The following STARD13 variants were observed in gnomAD, a reference collection of about 807,000 sequenced individuals.
STARD13 encodes StAR related lipid transfer domain containing 13, also known as stAR-related lipid transfer protein 13.
Under a neutral mutation model 106.4 loss-of-function variants are expected in STARD13, and 62 were observed. The ratio of observed to expected loss-of-function variants is 0.58; its 90% CI spans 0.48 to 0.72. The LOEUF is 0.72. STARD13 is among the 30% of genes least tolerant of loss of function. The probability of loss-of-function intolerance (pLI) is 0.00; values close to 1 mark genes in which losing one functional copy is unlikely to be tolerated. For missense variants in STARD13, 1,387 were observed against 1,424.0 expected, an observed-to-expected ratio of 0.97 and a Z score of 0.42; for synonymous variants, 565 against 553.0, an observed-to-expected ratio of 1.02 and a Z score of -0.31.
the STARD13 span, among the ~76,000 whole-genome samples, chr13:33,604,242 CAGAA>C: frequency 6.6e-6 from 1 of 152,012 alleles, no homozygotes; most frequent in East Asian, 1.9e-4. Flanking sequence ...ACAGAAATGT[CAGAA>C]AGAAATGATA....
chr13:33,499,532 T>TTCTTCC, the STARD13 span, among the ~76,000 whole-genome samples: 3 of 40,352 alleles, frequency 7.4e-5, no homozygotes, highest in African/African-American at 3.0e-4. Flanking sequence ...CTTCTTCTTC[T>TTCTTCC]TCTTCTTCTT....
At chr13:33,229,428 C>T (rs373739769) in intron 1 of STARD13, among the ~76,000 whole-genome samples, 1 of 152,198 alleles carries the variant, frequency 6.6e-6, no homozygotes, top group African/African-American at 2.4e-5. Context: ...CGCAAGACTG[C>T]GTGAGCACTG....
chr13:33,291,761 T>C (rs1293616350), intron 1 of STARD13, among the ~76,000 whole-genome samples: 1 of 152,220 alleles, frequency 6.6e-6, no homozygotes, highest in Non-Finnish European at 1.5e-5. Context: ...TCTCGTGCTA[T>C]TTGTTATATA....
chr13:33,320,821 T>A (rs1893531763), intron 1 of STARD13, among the ~76,000 whole-genome samples: 1 of 152,046 alleles, frequency 6.6e-6, no homozygotes, highest in African/African-American at 2.4e-5. Context: ...ACAAACAAAA[T>A]CAACTTCCGA....
chr13:33,122,168 G>T (rs1395293325), intron 7 of STARD13, among the ~76,000 whole-genome samples: 1 of 152,144 alleles, frequency 6.6e-6, no homozygotes, highest in Non-Finnish European at 1.5e-5. Context: ...TTTTAGCAGA[G>T]ATGGTGTTTC....
At chr13:33,180,510 G>GA (rs1885130274) in intron 1 of STARD13, 1 of 152,182 alleles carries the variant, frequency 6.6e-6, no homozygotes, top group African/African-American at 2.4e-5. Flanking sequence ...CATGTTATGA[G>GA]AAAAAATCTC....
the STARD13 span, among the ~76,000 whole-genome samples, chr13:33,576,873 T>C: frequency 2.2e-4 from 34 of 152,202 alleles, no homozygotes; most frequent in Non-Finnish European, 4.3e-4. Flanking sequence ...TCCCTGGAAG[T>C]CATTATAAAG....
intron 1 of STARD13, among the ~76,000 whole-genome samples, chr13:33,244,104 C>G (rs57891715): frequency 0.015 from 2,325 of 150,820 alleles, 53 homozygotes; most frequent in African/African-American, 0.051. Context: ...AAAGGAAATG[C>G]TCACTGGAGC....
At chr13:33,604,455 C>T in the STARD13 span, among the ~76,000 whole-genome samples, 2 of 152,130 alleles carry the variant, frequency 1.3e-5, no homozygotes, top group East Asian at 3.8e-4. Context: ...CAATAGCAAA[C>T]TTCTCCAAAG....
the STARD13 span, among the ~76,000 whole-genome samples, chr13:33,656,213 A>G: frequency 6.6e-6 from 1 of 152,134 alleles, no homozygotes; most frequent in East Asian, 1.9e-4. Context: ...TCTGTTCTAT[A>G]CCCCGTGCTA....
upstream of STARD13, among the ~76,000 whole-genome samples, chr13:33,351,068 T>C (rs1181573626): frequency 6.6e-6 from 1 of 152,200 alleles, no homozygotes; most frequent in Non-Finnish European, 1.5e-5. Context: ...TGATGTTCAA[T>C]ATTGGTGATC....
downstream of STARD13, among the ~76,000 whole-genome samples, chr13:33,345,415 C>T (rs2078007138): frequency 6.6e-6 from 1 of 152,190 alleles, no homozygotes; most frequent in African/African-American, 2.4e-5. Context: ...CAGGTCTCCA[C>T]AAAGTCCAGG....
chr13:33,321,863 T>C (rs1893572405), intron 1 of STARD13, among the ~76,000 whole-genome samples: 1 of 152,240 alleles, frequency 6.6e-6, no homozygotes, highest in South Asian at 2.1e-4. Context: ...CTTTCAGCAC[T>C]TACACACTCA....
the STARD13 span, among the ~76,000 whole-genome samples, chr13:33,482,889 CTT>C: frequency 6.6e-6 from 1 of 152,140 alleles, no homozygotes; most frequent in Admixed American, 6.5e-5. Flanking sequence ...TAAAGTTTGT[CTT>C]TATCTTTTCT....
chr13:33,452,385 C>T, the STARD13 span, among the ~76,000 whole-genome samples: 1 of 152,098 alleles, frequency 6.6e-6, no homozygotes, highest in South Asian at 2.1e-4. Flanking sequence ...ATCTGAGAGG[C>T]AACACAGTGT....
At chr13:33,624,576 G>C in the STARD13 span, among the ~76,000 whole-genome samples, 1 of 152,050 alleles carries the variant, frequency 6.6e-6, no homozygotes, top group African/African-American at 2.4e-5. Context: ...GCCCAGCATT[G>C]GAGATCTAGC....
At chr13:33,498,903 C>T in the STARD13 span, among the ~76,000 whole-genome samples, 1 of 152,110 alleles carries the variant, frequency 6.6e-6, no homozygotes, top group South Asian at 2.1e-4. Context: ...TTTCGGAGGC[C>T]GAGGCAGGCA....
intron 1 of STARD13, among the ~76,000 whole-genome samples, chr13:33,201,644 T>C (rs1488739305): frequency 1.3e-5 from 2 of 152,256 alleles, no homozygotes; most frequent in Admixed American, 1.3e-4. Context: ...TGAAAATGGT[T>C]GAGGCAGGCC....
At chr13:33,551,799 T>C in the STARD13 span, among the ~76,000 whole-genome samples, 1 of 151,862 alleles carries the variant, frequency 6.6e-6, no homozygotes, top group African/African-American at 2.4e-5. Context: ...GGTTTCACCA[T>C]GTTGGCCAGG....
Sources: gnomAD v4.1 joint callset for allele counts (sites outside exome capture counted in the v4.1 genomes callset) on GRCh38, gnomAD v4.1.1 for gene constraint, MANE v1.5 for transcripts, NCBI Gene and HGNC (gene_info 2026-07-23, HGNC 2026-07-21) for gene names.